ZNRF3: variants seen among roughly 807,000 people sequenced by gnomAD.
The protein encoded by ZNRF3 is E3 ubiquitin-protein ligase ZNRF3.
Under a neutral mutation model 72.5 loss-of-function variants are expected in ZNRF3, and 23 were observed. That is an observed-to-expected ratio of 0.32 (90% CI 0.23 to 0.45). The LOEUF (loss-of-function observed/expected upper bound fraction) is 0.45, where lower values mean the gene tolerates loss of function less well. Ranked by LOEUF, ZNRF3 falls within the 20% of genes least tolerant of loss-of-function variation. The probability of loss-of-function intolerance (pLI) is 1.00; values close to 1 mark genes in which losing one functional copy is unlikely to be tolerated. For synonymous variants in ZNRF3, 610 were observed against 545.3 expected (o/e 1.12, Z -1.65); for missense variants, 1,169 against 1,272.1 (o/e 0.92, Z 1.23).
At chr22:28,944,299 G>A (rs1218243403) in intron 1 of ZNRF3, among the ~76,000 whole-genome samples, 1 of 151,738 alleles carries the variant, frequency 6.6e-6, no homozygotes, top group Non-Finnish European at 1.5e-5. Context: ...ACAGTTTAGA[G>A]GAGAGCTACT....
rs183151818 is a variant in ZNRF3 at position 28,898,865 on chromosome 22, C to T, written c.300+14799C>T. On this transcript the variant is annotated intron_variant, in intron 1 of 8. Transcript: ENST00000544604. Reference sequence around the variant, plus strand: ...GATTTTCTAGTCTTTATGGGGCTGACTGTAAGCATTTGGGAAATTATTGAA... The same window carrying T: ...GATTTTCTAGTCTTTATGGGGCTGATTGTAAGCATTTGGGAAATTATTGAA... Among the ~76,000 whole-genome samples, 26 of 147,616 alleles carry T rather than the reference C, an allele frequency of 1.8e-4. 1 individual carries two copies. Among genetic ancestry groups the T allele is most frequent in the Admixed American group, 8.8e-4 (13 of 14,800 alleles).
At chr22:28,922,878 G>T (rs572132903) in intron 1 of ZNRF3, among the ~76,000 whole-genome samples, 2 of 152,070 alleles carry the variant, frequency 1.3e-5, no homozygotes, top group African/African-American at 4.8e-5. Flanking sequence ...TGAGTTAAAC[G>T]TGTAGCAGAA....
chr22:28,995,160 G>A (rs965201398), intron 2 of ZNRF3, among the ~76,000 whole-genome samples: 1 of 152,232 alleles, frequency 6.6e-6, no homozygotes, highest in Non-Finnish European at 1.5e-5. Flanking sequence ...AAGGCTGGGC[G>A]GGGTGGCTCA....
intron 1 of ZNRF3, among the ~76,000 whole-genome samples, chr22:28,943,931 C>G (rs2034998410): frequency 6.6e-6 from 1 of 151,402 alleles, no homozygotes; most frequent in African/African-American, 2.4e-5. Context: ...TTGTGCATTT[C>G]TGTTTAGCTC....
chr22:28,909,909 A>AT lies in ZNRF3; in HGVS notation c.300+25853dup, dbSNP rs766164193. ...TGGCTGGTCACGCCCAGCTAATTTA[A>AT]TTTTTTTTTTCTAGAGACAGGGGTC... is the stretch of plus-strand genomic sequence containing the variant. On this transcript the variant is annotated intron_variant, in intron 1 of 8. Coordinates refer to ENST00000544604, the MANE Select transcript of ZNRF3 (RefSeq NM_001206998.2). Among the ~76,000 whole-genome samples the AT allele has an allele frequency of 8.9e-4, 132 of 148,520 alleles. 4 individuals carry two copies. In the East Asian group the frequency reaches 0.021, roughly 24 times the overall value.
At chr22:29,008,528 T>C (rs1395046765) in intron 2 of ZNRF3, among the ~76,000 whole-genome samples, 1 of 152,204 alleles carries the variant, frequency 6.6e-6, no homozygotes, top group Non-Finnish European at 1.5e-5. Flanking sequence ...ACTCGAACTT[T>C]TTTGGGTTTT....
At chr22:28,919,603 G>T (rs992977988) in intron 1 of ZNRF3, among the ~76,000 whole-genome samples, 4 of 149,896 alleles carry the variant, frequency 2.7e-5, no homozygotes, top group African/African-American at 9.8e-5. Flanking sequence ...GCAGTGGTGC[G>T]ATCTTGGCTC....
At chr22:28,983,407 CGTGT>C (rs2035801261) in intron 1 of ZNRF3, among the ~76,000 whole-genome samples, 1 of 152,168 alleles carries the variant, frequency 6.6e-6, no homozygotes. Flanking sequence ...TTCCTGAGGC[CGTGT>C]GTTCTGCTCC....
intron 1 of ZNRF3, among the ~76,000 whole-genome samples, chr22:28,974,564 C>A (rs890376109): frequency 1.4e-4 from 21 of 152,218 alleles, no homozygotes; most frequent in African/African-American, 5.1e-4. Context: ...GAAAAAATCT[C>A]CTACTATTCT....
intron 1 of ZNRF3, among the ~76,000 whole-genome samples, chr22:28,916,607 T>TA (rs1037788883): frequency 1.3e-5 from 2 of 151,664 alleles, no homozygotes; most frequent in Non-Finnish European, 2.9e-5. Flanking sequence ...GAGTGAAGGT[T>TA]AAAAAAAAAT....
intron 1 of ZNRF3, among the ~76,000 whole-genome samples, chr22:28,928,101 A>G (rs1174463739): frequency 6.6e-6 from 1 of 152,226 alleles, no homozygotes; most frequent in African/African-American, 2.4e-5. Context: ...GATAATTGCA[A>G]GTTGATTAGT....
At chr22:28,938,710 G>A (rs1441046959) in intron 1 of ZNRF3, among the ~76,000 whole-genome samples, 1 of 152,074 alleles carries the variant, frequency 6.6e-6, no homozygotes, top group Non-Finnish European at 1.5e-5. Flanking sequence ...AAGGTGAAGG[G>A]TATGCTTAGG....
chr22:28,995,712 T>G (rs2036035250), intron 2 of ZNRF3, among the ~76,000 whole-genome samples: 1 of 152,018 alleles, frequency 6.6e-6, no homozygotes, highest in Non-Finnish European at 1.5e-5. Context: ...GTTCTCAAAG[T>G]GTGGCTGGGG....
intron 1 of ZNRF3, among the ~76,000 whole-genome samples, chr22:28,894,650 C>G (rs773504248): frequency 7.2e-5 from 11 of 152,170 alleles, no homozygotes; most frequent in Admixed American, 2.0e-4. Flanking sequence ...AGGCTTTCTG[C>G]TTCTGAACAG....
intron 1 of ZNRF3, among the ~76,000 whole-genome samples, chr22:28,896,689 G>A (rs2034005019): frequency 6.6e-6 from 1 of 152,226 alleles, no homozygotes; most frequent in Admixed American, 6.5e-5. Context: ...CATCTTTTCA[G>A]AAAGTACATC....
rs372965827 is a variant in ZNRF3 at position 28,930,141 on chromosome 22, C to CT, written c.300+46083dup. ...CAAAGTTGCACTTAGCTCTCAGGTG[C>CT]TTTTTTTTGGTTTTTGTTTTTTTTG... On this transcript the variant is annotated intron_variant, in intron 1 of 8. Coordinates refer to ENST00000544604, the MANE Select transcript of ZNRF3 (RefSeq NM_001206998.2). 3.3e-5 allele frequency among the ~76,000 whole-genome samples: 5 copies of CT among 151,260 alleles called. No homozygotes were observed. In the South Asian group the frequency reaches 6.3e-4, roughly 19 times the overall value.
chr22:28,989,296 G>T (rs2035911827), intron 2 of ZNRF3, among the ~76,000 whole-genome samples: 1 of 152,136 alleles, frequency 6.6e-6, no homozygotes, highest in Non-Finnish European at 1.5e-5. Context: ...AGACAGTTTT[G>T]CATTTGTTTA....
In ZNRF3 at chr22:28,994,013, C is replaced by T. The variant is rs117625969; in HGVS notation, c.426+6812C>T. 3.3e-3 allele frequency among the ~76,000 whole-genome samples: 503 copies of T among 151,854 alleles called. 31 individuals are homozygous for T. In the East Asian group the frequency reaches 0.082, roughly 25 times the overall value. ...TCTGTGAGCTCCTGCAGTCACTTAA[C>T]GCGTCTGTGTGTTTAGATGGGAATA... On this transcript the variant is annotated intron_variant, in intron 2 of 8. Coordinates refer to ENST00000544604, the MANE Select transcript of ZNRF3 (RefSeq NM_001206998.2).
At chr22:28,936,586 G>C (rs2034823353) in intron 1 of ZNRF3, among the ~76,000 whole-genome samples, 1 of 152,130 alleles carries the variant, frequency 6.6e-6, no homozygotes, top group Non-Finnish European at 1.5e-5. Flanking sequence ...GAAGTGCCCT[G>C]AGTAGCTACT....
Sources: gnomAD v4.1 joint callset for allele counts (sites outside exome capture counted in the v4.1 genomes callset) on GRCh38, gnomAD v4.1.1 for gene constraint, MANE v1.5 for transcripts, NCBI Gene and HGNC (gene_info 2026-07-23, HGNC 2026-07-21) for gene names.